Variants in DOCK8 observed in about 807,000 individuals in gnomAD.
DOCK8 encodes the protein dedicator of cytokinesis protein 8.
DOCK8 carries 141 observed loss-of-function variants against 245.6 expected under a neutral mutation model. The ratio of observed to expected loss-of-function variants is 0.57; its 90% CI spans 0.50 to 0.66. The LOEUF (loss-of-function observed/expected upper bound fraction) is 0.66. Among genes scored for constraint, DOCK8 ranks in the 30% least tolerant of loss-of-function variants. DOCK8 has a pLI of 0.00. For missense variants in DOCK8, 2,965 were observed against 2,603.4 expected, an observed-to-expected ratio of 1.14 and a Z score of -3.02; for synonymous variants, 1,168 against 970.2, an observed-to-expected ratio of 1.20 and a Z score of -3.79.
intron 6 of DOCK8, chr9:312,515 T>G: frequency 2.2e-6 from 1 of 446,018 alleles, no homozygotes; most frequent in Non-Finnish European, 4.4e-6. Context: ...GGATGTGTGG[T>G]CACTAATCCA....
At chr9:373,992 C>T (rs895709280) in intron 18 of DOCK8, among the ~76,000 whole-genome samples, 20 of 152,210 alleles carry the variant, frequency 1.3e-4, no homozygotes, top group Non-Finnish European at 2.9e-5. Context: ...AGTCTAGATT[C>T]TGCCACTCCC....
intron 10 of DOCK8, among the ~76,000 whole-genome samples, chr9:333,532 C>T (rs529769376): frequency 8.1e-4 from 122 of 150,782 alleles, no homozygotes; most frequent in East Asian, 2.7e-3. Flanking sequence ...ACCTGGGAGG[C>T]GGAGGTTGCA....
At chr9:382,323 C>A (rs2053752845) in intron 21 of DOCK8, among the ~76,000 whole-genome samples, 190 bp from the exon 22 acceptor site, 1 of 152,174 alleles carries the variant, frequency 6.6e-6, no homozygotes, top group Non-Finnish European at 1.5e-5. Flanking sequence ...CTCCCTGGTG[C>A]CTTATGCCCC....
intron 1 of DOCK8, among the ~76,000 whole-genome samples, chr9:255,566 G>A (rs546002527): frequency 4.2e-4 from 63 of 150,474 alleles, no homozygotes; most frequent in African/African-American, 1.5e-3. Flanking sequence ...TACTCGAGAG[G>A]CTAAGGCAGT....
intron 6 of DOCK8, among the ~76,000 whole-genome samples, chr9:313,154 G>A (rs866839044): frequency 6.6e-6 from 1 of 152,158 alleles, no homozygotes; most frequent in East Asian, 1.9e-4. Context: ...AGGATATCAC[G>A]TCCACATGGA....
chr9:386,305 G>A (rs769067475), intron 22 of DOCK8, 26 bp from the exon 23 acceptor site: 38 of 1,603,566 alleles, frequency 2.4e-5, no homozygotes, highest in South Asian at 4.4e-5. Context: ...TTGGTTGACT[G>A]TTAAGCCATG....
chr9:357,528 A>G (rs1007789558), intron 14 of DOCK8, among the ~76,000 whole-genome samples: 8 of 152,182 alleles, frequency 5.3e-5, no homozygotes, highest in African/African-American at 1.9e-4. Context: ...TAACATTACA[A>G]AATCATAGAG....
chr9:254,609 C>A (rs10966316), intron 1 of DOCK8, among the ~76,000 whole-genome samples: 4 of 152,142 alleles, frequency 2.6e-5, no homozygotes, highest in African/African-American at 7.2e-5. Context: ...ATCCTGGGAA[C>A]CTTGACCTTC....
chr9:382,060 T>C (rs991286170), intron 21 of DOCK8, among the ~76,000 whole-genome samples: 2 of 152,242 alleles, frequency 1.3e-5, no homozygotes, highest in South Asian at 2.1e-4. Context: ...GTATACATCA[T>C]ATACCGTAAT....
Position 332,476 on chromosome 9 carries a change from A to C in DOCK8, c.1123A>C (p.Lys375Gln). 6.2e-7 allele frequency: 1 copy of C among 1,607,908 alleles called. No homozygotes were observed. The highest frequency in any genetic ancestry group is 8.5e-7 in the Non-Finnish European group (1 of 1,174,436). ...GGTTATCAAAGAAAGTGATGGTGGA[A>C]AGGTATGGTAATTTGAGTGTTGTTA... ...YTVIKESDGG[K>Q]SKEKIEKLKL... Residue 375 changes from lysine to glutamine, a missense_variant and splice_region_variant, in exon 10 of 48, where the codon AAG (lysine) becomes CAG (glutamine). By Grantham distance (53) the Lys-to-Gln change is moderately conservative. This residue lies in a region of DOCK8 where 2,825 missense variants were observed against 2,453.5 expected (regional missense o/e 1.15). Transcript: ENST00000432829.
chr9:400,632 C>G (rs1226237749), intron 26 of DOCK8, among the ~76,000 whole-genome samples: 2 of 111,932 alleles, frequency 1.8e-5, no homozygotes, highest in Non-Finnish European at 1.9e-5. Flanking sequence ...ACCATCACCA[C>G]CACCTCCACC....
chr9:411,867 A>G (rs576366425), intron 28 of DOCK8, among the ~76,000 whole-genome samples: 2 of 152,224 alleles, frequency 1.3e-5, no homozygotes, highest in Non-Finnish European at 2.9e-5. Context: ...AAAGAAAAGC[A>G]TTTAATAAAA....
intron 30 of DOCK8, among the ~76,000 whole-genome samples, chr9:418,908 G>C (rs1055291527): frequency 6.6e-6 from 1 of 152,044 alleles, no homozygotes; most frequent in Non-Finnish European, 1.5e-5. Flanking sequence ...ACTGAAGGAG[G>C]CTGGTAGCTT....
At chr9:236,180 G>A (rs1293822274) in intron 1 of DOCK8, among the ~76,000 whole-genome samples, 1 of 152,174 alleles carries the variant, frequency 6.6e-6, no homozygotes, top group East Asian at 1.9e-4. Flanking sequence ...TTAGTGTGTG[G>A]CTTTCATCCT....
chr9:400,616 TCCA>T (rs1224442175), intron 26 of DOCK8, among the ~76,000 whole-genome samples: 39 of 8,812 alleles, frequency 4.4e-3, no homozygotes, highest in South Asian at 0.012. Flanking sequence ...CACCACCACC[TCCA>T]CCACCATCAC....
At chr9:425,761 G>GAA (rs375380501) in intron 33 of DOCK8, among the ~76,000 whole-genome samples, 1,120 of 101,072 alleles carry the variant, frequency 0.011, 12 homozygotes, top group African/African-American at 0.034. Context: ...TGTCTCTAAG[G>GAA]AAAAAAAAAA....
At chr9:461,070 T>C (rs1475270232) in intron 46 of DOCK8, among the ~76,000 whole-genome samples, 1 of 152,244 alleles carries the variant, frequency 6.6e-6, no homozygotes, top group Non-Finnish European at 1.5e-5. Flanking sequence ...TTCATCATGT[T>C]TAAATAACGT....
At chr9:215,511 C>G in intron 1 of DOCK8, 6 of 1,379,734 alleles carry the variant, frequency 4.3e-6, no homozygotes, top group Non-Finnish European at 5.7e-6. Context: ...AGCAAGGCTC[C>G]GTCCTCGCCT....
intron 1 of DOCK8, among the ~76,000 whole-genome samples, chr9:233,007 C>A (rs972774701): frequency 2.6e-5 from 4 of 152,144 alleles, no homozygotes; most frequent in Non-Finnish European, 5.9e-5. Flanking sequence ...AATTTTGGAT[C>A]TTTCCTGCTT....
Sources: gnomAD v4.1 joint callset for allele counts (sites outside exome capture counted in the v4.1 genomes callset) on GRCh38, gnomAD v4.1.1 for gene constraint, gnomAD v4.1.1 regional missense constraint, MANE v1.5 for transcripts, NCBI Gene and HGNC (gene_info 2026-07-23, HGNC 2026-07-21) for gene names.